The following CC2D2B variants were observed in gnomAD, a reference collection of about 807,000 sequenced individuals.
CC2D2B encodes the protein coiled-coil and C2 domain containing 2B, also known as protein CC2D2B.
A neutral mutation model predicts 161.2 loss-of-function variants in CC2D2B; 128 were observed. The observed-to-expected ratio is 0.79, with a 90% CI of 0.69 to 0.92. The LOEUF is 0.92. Ranked by LOEUF, CC2D2B falls within the 40% of genes least tolerant of loss-of-function variation. CC2D2B has a pLI of 0.00. For synonymous variants in CC2D2B, 391 were observed against 449.8 expected, an observed-to-expected ratio of 0.87 and a Z score of 1.65; for missense variants, 1,173 against 1,375.1, an observed-to-expected ratio of 0.85 and a Z score of 2.32.
chr10:96,000,693 A>G (rs998506488), intron 24 of CC2D2B: 1 of 151,992 alleles, frequency 6.6e-6, no homozygotes, highest in Admixed American at 6.6e-5. Flanking sequence ...GCAATTCTCT[A>G]TATATTATGG....
Position 95,955,600 on chromosome 10 carries a change from T to TA in CC2D2B, c.1109+110dup, listed in dbSNP as rs2076544030. ...AGAAAAGTACACAATCCTTACTTTT[T>TA]AGGCGATTACAGAAATGGTTTCAAT... On this transcript the variant is annotated intron_variant, in intron 11 of 34. Coordinates refer to ENST00000646931, the MANE Select transcript of CC2D2B (RefSeq NM_001349008.3). The TA allele has an allele frequency of 7.6e-6, 3 of 393,424 alleles. No homozygotes were observed. The South Asian group carries it at 4.2e-4, about 55-fold the overall frequency. The allele number at this position is 393,424 out of a possible 1,614,324, so 24.4% of individuals were successfully genotyped here. A position where few individuals can be genotyped will look rare whatever the true frequency, so the allele number is the denominator to read the frequency against.
At chr10:95,967,846 G>A (rs1042824250) in intron 14 of CC2D2B, among the ~76,000 whole-genome samples, 5 of 152,068 alleles carry the variant, frequency 3.3e-5, no homozygotes, top group African/African-American at 1.2e-4. Flanking sequence ...AGATAATAAG[G>A]CAGGGACATA....
At chr10:95,981,440 A>G (rs1274393019) in intron 17 of CC2D2B, among the ~76,000 whole-genome samples, 1 of 151,200 alleles carries the variant, frequency 6.6e-6, no homozygotes, top group African/African-American at 2.4e-5. Flanking sequence ...CATATGACCA[A>G]GGATGGTCCT....
intron 30 of CC2D2B, among the ~76,000 whole-genome samples, chr10:96,018,247 G>C (rs1189338796): frequency 2.0e-5 from 3 of 152,084 alleles, no homozygotes; most frequent in African/African-American, 7.2e-5. Context: ...TGGTAGGATA[G>C]GCTTACACTA....
intron 9 of CC2D2B, among the ~76,000 whole-genome samples, chr10:95,946,680 T>C (rs1452841906): frequency 6.6e-6 from 1 of 152,066 alleles, no homozygotes; most frequent in South Asian, 2.1e-4. Flanking sequence ...TTATTGCTGT[T>C]TGTCTGCCTC....
At position 95,965,143 on chromosome 10, in the gene CC2D2B, C is replaced by G. The variant is rs937323845; in HGVS notation, c.1251-753C>G. ...CTTCTTAAATGATTAAAATGGAAAA[C>G]AAAACCTTATACTGAAAACAAGAAA... On this transcript the variant is annotated intron_variant, in intron 12 of 34. Coordinates refer to ENST00000646931, the MANE Select transcript of CC2D2B (RefSeq NM_001349008.3). 2.0e-5 allele frequency among the ~76,000 whole-genome samples: 3 copies of G among 152,112 alleles called. No homozygotes were observed. The South Asian group carries it at 6.2e-4, about 32-fold the overall frequency.
At chr10:96,001,596 G>T (rs1403737576) in intron 24 of CC2D2B, among the ~76,000 whole-genome samples, 1 of 152,148 alleles carries the variant, frequency 6.6e-6, no homozygotes, top group Admixed American at 6.5e-5. Context: ...AAAGTGAAAG[G>T]CTTCAGATCC....
chr10:96,019,559 C>T, intron 31 of CC2D2B, 143 bp from the exon 32 acceptor site: 1 of 870,892 alleles, frequency 1.1e-6, no homozygotes, highest in Non-Finnish European at 1.8e-6. Context: ...ACCCTAGAAT[C>T]TCTTTATCTC....
intron 11 of CC2D2B, among the ~76,000 whole-genome samples, chr10:95,958,298 C>T (rs747868128): frequency 2.6e-5 from 4 of 152,094 alleles, no homozygotes; most frequent in Non-Finnish European, 5.9e-5. Flanking sequence ...TCAAGACTAG[C>T]GTAGTTAACA....
chr10:95,972,559 C>T (rs2077173577), intron 16 of CC2D2B, among the ~76,000 whole-genome samples: 1 of 152,208 alleles, frequency 6.6e-6, no homozygotes, highest in Non-Finnish European at 1.5e-5. Flanking sequence ...GGTGATCCGC[C>T]CCCCTCAGCC....
intron 9 of CC2D2B, among the ~76,000 whole-genome samples, chr10:95,943,259 C>T (rs2076084314): frequency 6.6e-6 from 1 of 152,184 alleles, no homozygotes; most frequent in Non-Finnish European, 1.5e-5. Flanking sequence ...CTTTTGGACT[C>T]TTGTCAGGTC....
intron 14 of CC2D2B, among the ~76,000 whole-genome samples, chr10:95,968,421 G>A (rs2077016368): frequency 6.6e-6 from 1 of 152,100 alleles, no homozygotes; most frequent in South Asian, 2.1e-4. Flanking sequence ...AAGACATCTG[G>A]TAGATATGTG....
At position 95,973,971 on chromosome 10, in the gene CC2D2B, A is replaced by G. The variant is rs567583084; in HGVS notation, c.1796-38A>G. Reference sequence around the variant, plus strand: ...CCCACAATGTGCTTCAACTGCACTTAAAACAATTCATATGTTTTTAATGCC... The same window carrying G: ...CCCACAATGTGCTTCAACTGCACTTGAAACAATTCATATGTTTTTAATGCC... On this transcript the variant is annotated intron_variant, in intron 16 of 34. Coordinates refer to ENST00000646931, the MANE Select transcript of CC2D2B (RefSeq NM_001349008.3). 6 of 1,200,342 alleles carry G rather than the reference A, an allele frequency of 5.0e-6. No individual in the cohort carries two copies. The Admixed American group carries it at 2.5e-4, about 51-fold the overall frequency. The allele number at this position is 1,200,342 out of a possible 1,614,324, so 74.4% of individuals were successfully genotyped here.
chr10:95,930,499 T>A (rs1479721023), intron 6 of CC2D2B, among the ~76,000 whole-genome samples: 1 of 152,248 alleles, frequency 6.6e-6, no homozygotes, highest in South Asian at 2.1e-4. Flanking sequence ...TGCTTCCAGC[T>A]TCTGCCCATT....
At chr10:96,019,654 C>T (rs2079367954) in intron 31 of CC2D2B, 48 bp from the exon 32 acceptor site, 1 of 1,509,452 alleles carries the variant, frequency 6.6e-7, no homozygotes, top group Non-Finnish European at 8.8e-7. Context: ...AACAATGGGC[C>T]TTGTGTTCCT....
At chr10:95,937,345 A>C (rs1296408221) in intron 6 of CC2D2B, among the ~76,000 whole-genome samples, 2 of 152,130 alleles carry the variant, frequency 1.3e-5, no homozygotes, top group Non-Finnish European at 2.9e-5. Context: ...CAAAATAATG[A>C]TTTTGCTTTC....
intron 30 of CC2D2B, among the ~76,000 whole-genome samples, chr10:96,017,765 TATAAATAAATAA>T (rs35257012): frequency 6.7e-6 from 1 of 149,220 alleles, no homozygotes; most frequent in Non-Finnish European, 1.5e-5. Flanking sequence ...ACCCCACCTC[TATAAATAAATAA>T]ATAAATAAAT....
At chr10:95,970,856 T>C (rs549309121) in intron 15 of CC2D2B, among the ~76,000 whole-genome samples, 16 of 152,260 alleles carry the variant, frequency 1.1e-4, no homozygotes, top group African/African-American at 3.1e-4. Context: ...GGGACCAGTG[T>C]GGTGTCTTAA....
intron 7 of CC2D2B, 166 bp from the exon 8 acceptor site, chr10:95,938,403 A>G: frequency 1.7e-6 from 1 of 605,294 alleles, no homozygotes; most frequent in Non-Finnish European, 2.9e-6. Flanking sequence ...ATGTATTTAT[A>G]TATAGAGAGA....
Sources: allele counts gnomAD v4.1 joint callset (sites outside exome capture counted in the v4.1 genomes callset), GRCh38; gene constraint gnomAD v4.1.1; transcripts MANE v1.5; gene names NCBI Gene and HGNC (gene_info 2026-07-23, HGNC 2026-07-21).